Variants in DPYD observed in about 807,000 individuals in gnomAD.
DPYD encodes the protein dihydropyrimidine dehydrogenase [NADP(+)].
Under a neutral mutation model 116.2 loss-of-function variants are expected in DPYD, and 109 were observed. The observed-to-expected ratio is 0.94, with a 90% CI of 0.80 to 1.10. DPYD has a LOEUF of 1.10. Ranked by LOEUF, DPYD falls within the 50% of genes least tolerant of loss-of-function variation. The pLI is 0.00. For missense variants in DPYD, 1,302 were observed against 1,254.5 expected, an observed-to-expected ratio of 1.04 and a Z score of -0.57; for synonymous variants, 440 against 432.0, an observed-to-expected ratio of 1.02 and a Z score of -0.23.
At chr1:97,554,539 T>C (rs1651554151) in intron 11 of DPYD, among the ~76,000 whole-genome samples, 1 of 151,998 alleles carries the variant, frequency 6.6e-6, no homozygotes, top group Admixed American at 6.6e-5. Flanking sequence ...TAGGACCAAA[T>C]CACAATGAAA....
chr1:97,266,974 G>A (rs928298049), intron 18 of DPYD, among the ~76,000 whole-genome samples: 2 of 152,150 alleles, frequency 1.3e-5, no homozygotes, highest in Non-Finnish European at 2.9e-5. Context: ...ATTGTGAACA[G>A]TGCTGCAATA....
intron 14 of DPYD, among the ~76,000 whole-genome samples, chr1:97,422,060 A>G (rs779514858): frequency 5.3e-5 from 8 of 152,128 alleles, no homozygotes; most frequent in Non-Finnish European, 1.0e-4. Context: ...AGCAAGAGAT[A>G]TGGAATTGTT....
At chr1:97,660,630 C>T (rs1659198368) in intron 8 of DPYD, among the ~76,000 whole-genome samples, 1 of 152,064 alleles carries the variant, frequency 6.6e-6, no homozygotes, top group East Asian at 1.9e-4. Flanking sequence ...TCTCTCTCTT[C>T]ACCCCTCCCC....
chr1:97,192,609 G>A (rs935167669), intron 20 of DPYD, among the ~76,000 whole-genome samples: 1 of 152,162 alleles, frequency 6.6e-6, no homozygotes, highest in African/African-American at 2.4e-5. Context: ...AACCGTTTGA[G>A]ACCGGGTTTA....
At chr1:97,584,161 C>A (rs1012924835) in intron 10 of DPYD, among the ~76,000 whole-genome samples, 1 of 152,154 alleles carries the variant, frequency 6.6e-6, no homozygotes, top group Non-Finnish European at 1.5e-5. Flanking sequence ...TCTCTGATGG[C>A]CAGTGATGAT....
intron 1 of DPYD, among the ~76,000 whole-genome samples, chr1:97,903,615 A>G (rs1250800818): frequency 6.6e-6 from 1 of 151,986 alleles, no homozygotes; most frequent in Non-Finnish European, 1.5e-5. Context: ...GTATCTTTTT[A>G]AAACTATTCC....
intron 21 of DPYD, among the ~76,000 whole-genome samples, chr1:97,090,970 T>C (rs908212873): frequency 8.5e-5 from 13 of 152,082 alleles, no homozygotes; most frequent in East Asian, 3.9e-4. Flanking sequence ...TCTGAAGAAA[T>C]AGACCATTAA....
chr1:97,246,338 C>T (rs1040894387), intron 18 of DPYD, among the ~76,000 whole-genome samples: 57 of 152,102 alleles, frequency 3.7e-4, no homozygotes, highest in African/African-American at 1.4e-3. Context: ...AAAACATGGA[C>T]AACCCATGTT....
intron 1 of DPYD, among the ~76,000 whole-genome samples, chr1:97,889,371 G>A (rs887394916): frequency 1.3e-5 from 2 of 151,886 alleles, no homozygotes; most frequent in Non-Finnish European, 2.9e-5. Context: ...CTGTCTTTAG[G>A]AGACACACTT....
At chr1:97,573,209 C>A (rs1653023195) in intron 11 of DPYD, among the ~76,000 whole-genome samples, 1 of 151,934 alleles carries the variant, frequency 6.6e-6, no homozygotes, top group South Asian at 2.1e-4. Flanking sequence ...TAAAACATTT[C>A]TTTCTCTCAT....
chr1:97,565,950 C>A (rs1215641886), intron 11 of DPYD, among the ~76,000 whole-genome samples: 1 of 152,154 alleles, frequency 6.6e-6, no homozygotes, highest in African/African-American at 2.4e-5. Flanking sequence ...TGACAACTTT[C>A]TAAAGACATA....
At chr1:97,780,155 G>A (rs994340237) in intron 3 of DPYD, among the ~76,000 whole-genome samples, 2 of 151,658 alleles carry the variant, frequency 1.3e-5, no homozygotes, top group African/African-American at 4.9e-5. Flanking sequence ...TTATTGTACT[G>A]TACTTTTGTA....
At chr1:97,860,733 C>A (rs1344124638) in intron 2 of DPYD, among the ~76,000 whole-genome samples, 1 of 151,198 alleles carries the variant, frequency 6.6e-6, no homozygotes, top group African/African-American at 2.4e-5. Context: ...TATTTCTAAC[C>A]TAAAATACTG....
chr1:97,862,298 T>A (rs1671157804), intron 2 of DPYD, among the ~76,000 whole-genome samples: 1 of 151,834 alleles, frequency 6.6e-6, no homozygotes, highest in Non-Finnish European at 1.5e-5. Context: ...TGGTTTCCAG[T>A]CATCAATAAT....
At chr1:97,860,070 C>T (rs562802525) in intron 2 of DPYD, among the ~76,000 whole-genome samples, 35 of 152,078 alleles carry the variant, frequency 2.3e-4, no homozygotes, top group Non-Finnish European at 4.0e-4. Flanking sequence ...AGGCTGGGTG[C>T]GGTGGCTCAC....
At chr1:97,862,251 T>C (rs771051436) in intron 2 of DPYD, among the ~76,000 whole-genome samples, 32 of 151,904 alleles carry the variant, frequency 2.1e-4, no homozygotes, top group Non-Finnish European at 4.0e-4. Flanking sequence ...TAACACTTGA[T>C]AGAAACAAAT....
At chr1:97,109,654 C>A (rs1217520214) in intron 20 of DPYD, among the ~76,000 whole-genome samples, 1 of 152,060 alleles carries the variant, frequency 6.6e-6, no homozygotes, top group Non-Finnish European at 1.5e-5. Context: ...TCCTCCTATG[C>A]AGAAACACCT....
intron 14 of DPYD, 30 bp downstream of exon 14, chr1:97,450,029 C>A (rs1379895949): frequency 2.5e-6 from 4 of 1,613,226 alleles, no homozygotes; most frequent in South Asian, 1.1e-5. Context: ...TATGCCAATT[C>A]TCTTGTTTTA....
At chr1:97,363,475 T>C (rs1286232090) in intron 16 of DPYD, among the ~76,000 whole-genome samples, 2 of 152,330 alleles carry the variant, frequency 1.3e-5, no homozygotes, top group South Asian at 2.1e-4. Flanking sequence ...GGATTATAAA[T>C]CATGCTACTA....
Sources: allele counts gnomAD v4.1 joint callset (sites outside exome capture counted in the v4.1 genomes callset), GRCh38; gene constraint gnomAD v4.1.1; transcripts MANE v1.5; gene names NCBI Gene and HGNC (gene_info 2026-07-23, HGNC 2026-07-21).